Variants in COL4A2 observed in about 807,000 individuals in gnomAD.
COL4A2 encodes the protein collagen type IV alpha 2 chain.
COL4A2 carries 99 observed loss-of-function variants against 200.2 expected under a neutral mutation model. The observed-to-expected ratio is 0.49, with a 90% CI of 0.42 to 0.58. COL4A2 has a LOEUF of 0.58. Among genes scored for constraint, COL4A2 ranks in the 20% least tolerant of loss-of-function variants. The pLI is 0.00. For missense variants in COL4A2, 1,950 were observed against 2,314.1 expected (o/e 0.84, Z 3.23); for synonymous variants, 897 against 900.6 (o/e 1.00, Z 0.07).
intron 39 of COL4A2, 146 bp downstream of exon 39, chr13:110,493,428 G>A: frequency 1.3e-6 from 1 of 783,586 alleles, no homozygotes; most frequent in East Asian, 2.7e-5. Context: ...TCGGCCGTGA[G>A]GGGCGGGTCC....
At chr13:110,317,141 CACAT>C (rs1270377267) in intron 3 of COL4A2, among the ~76,000 whole-genome samples, 4 of 150,220 alleles carry the variant, frequency 2.7e-5, no homozygotes, top group Admixed American at 6.7e-5. Context: ...ACCCCACACA[CACAT>C]ACAGACACAC....
At chr13:110,435,745 C>T (rs188217372) in intron 12 of COL4A2, among the ~76,000 whole-genome samples, 2 of 152,266 alleles carry the variant, frequency 1.3e-5, no homozygotes, top group East Asian at 1.9e-4. Flanking sequence ...CATCTGTGCA[C>T]CACATCAAAA....
intron 16 of COL4A2, among the ~76,000 whole-genome samples, chr13:110,440,262 C>T (rs1047871007): frequency 3.9e-5 from 6 of 152,044 alleles, no homozygotes; most frequent in Non-Finnish European, 8.8e-5. Context: ...GTTCTGTGGA[C>T]AGATTTTTGG....
At chr13:110,489,628 G>C (rs1883217768) in intron 35 of COL4A2, 83 bp from the exon 36 acceptor site, 9 of 1,592,286 alleles carry the variant, frequency 5.7e-6, no homozygotes, top group Non-Finnish European at 7.8e-6. Context: ...TTCTTGTTAG[G>C]AATATAACAA....
intron 4 of COL4A2, among the ~76,000 whole-genome samples, chr13:110,405,806 C>T (rs1415850983): frequency 6.6e-6 from 1 of 152,140 alleles, no homozygotes; most frequent in Non-Finnish European, 1.5e-5. Flanking sequence ...AGTAGGTGGC[C>T]TTGGTTTTAA....
chr13:110,313,355 G>A lies in COL4A2; in HGVS notation c.99+5232G>A, dbSNP rs184014235. On this transcript the variant is annotated intron_variant, in intron 3 of 47. Transcript: ENST00000360467. ...TGGTTACCCCTGAAAGGAGAAGGCG[G>A]CATCTAATTCTAGGGAGACTTCACA... Among the ~76,000 whole-genome samples the A allele has an allele frequency of 3.9e-5, 6 of 152,278 alleles. No homozygotes were observed. The East Asian group carries it at 9.7e-4, about 25-fold the overall frequency.
In COL4A2 at chr13:110,321,744, G is replaced by A. The variant is rs145815592; in HGVS notation, c.99+13621G>A. ...CTGGAGAAACCTCACAATCATGGCAGAAGGCAAGGAGGAGCAAGTCACGTC... is the reference window on the plus strand; with the variant it reads ...CTGGAGAAACCTCACAATCATGGCAAAAGGCAAGGAGGAGCAAGTCACGTC... On this transcript the variant is annotated intron_variant, in intron 3 of 47. Coordinates refer to ENST00000360467, the MANE Select transcript of COL4A2 (RefSeq NM_001846.4). Among the ~76,000 whole-genome samples the A allele has an allele frequency of 2.3e-3, 352 of 152,332 alleles. 1 individual carries two copies. The highest frequency in any genetic ancestry group is 8.3e-3 in the African/African-American group (343 of 41,562).
rs71127938 is a variant in COL4A2 at position 110,424,640 on chromosome 13, C to CAAAAAA, written c.181-88_181-83dup. The CAAAAAA allele has an allele frequency of 3.6e-3, 2,496 of 698,450 alleles. 5 individuals carry two copies. Among genetic ancestry groups the CAAAAAA allele is most frequent in the South Asian group, 7.2e-3 (292 of 40,482 alleles). The allele number at this position is 698,450 out of a possible 1,614,324, so 43.3% of individuals were successfully genotyped here. On this transcript the variant is annotated intron_variant, in intron 4 of 47. Coordinates refer to ENST00000360467, the MANE Select transcript of COL4A2 (RefSeq NM_001846.4). ...CCTGTAGATTATAGCTCTTTAAAAA[C>CAAAAAA]AAAAAAAAAAATGTAGTTTTGAAAG...
chr13:110,389,341 A>G (rs556179603), intron 4 of COL4A2, among the ~76,000 whole-genome samples: 1 of 152,264 alleles, frequency 6.6e-6, no homozygotes, highest in African/African-American at 2.4e-5. Flanking sequence ...TGTGGAGGAC[A>G]TTTCGTATCT....
intron 4 of COL4A2, among the ~76,000 whole-genome samples, chr13:110,400,688 A>G (rs1879342575): frequency 6.6e-6 from 1 of 152,220 alleles, no homozygotes; most frequent in Non-Finnish European, 1.5e-5. Flanking sequence ...TAAGATTAAA[A>G]AAGTTGTAAT....
In COL4A2 at chr13:110,387,074, C is replaced by T. The variant is rs554718690; in HGVS notation, c.180+29522C>T. The stretch of plus-strand genomic sequence containing the variant: ...CCAACATGGTGAAACCCCGTCTCTA[C>T]TAAAAATACAAAAAGTTAGCTGGCC... On this transcript the variant is annotated intron_variant, in intron 4 of 47. Coordinates refer to ENST00000360467, the MANE Select transcript of COL4A2 (RefSeq NM_001846.4). Among the ~76,000 whole-genome samples the T allele has an allele frequency of 2.6e-5, 4 of 152,214 alleles. No individual in the cohort carries two copies. In the South Asian group the frequency reaches 8.3e-4, roughly 32 times the overall value.
At chr13:110,329,761 A>C (rs903277431) in intron 3 of COL4A2, among the ~76,000 whole-genome samples, 1 of 152,116 alleles carries the variant, frequency 6.6e-6, no homozygotes, top group Non-Finnish European at 1.5e-5. Context: ...ACTTCGGTGG[A>C]TGCATCCATC....
intron 15 of COL4A2, 138 bp downstream of exon 15, chr13:110,438,806 C>A: frequency 1.0e-5 from 8 of 774,682 alleles, no homozygotes; most frequent in Middle Eastern, 3.3e-4. Flanking sequence ...CTCCCCACCC[C>A]CCCCCACACA....
chr13:110,323,801 A>G (rs1885339042), intron 3 of COL4A2, among the ~76,000 whole-genome samples: 1 of 152,214 alleles, frequency 6.6e-6, no homozygotes, highest in Non-Finnish European at 1.5e-5. Context: ...CACAATAGAC[A>G]GAGCTGGTGG....
chr13:110,454,521 G>T (rs6492277), intron 20 of COL4A2, among the ~76,000 whole-genome samples: 105,549 of 151,956 alleles, frequency 0.69, 36,949 homozygotes, highest in Middle Eastern at 0.82. Flanking sequence ...CTTGGAGACA[G>T]AGAACAAAGC....
At chr13:110,504,613 T>C (rs117710761) in intron 45 of COL4A2, among the ~76,000 whole-genome samples, 3,957 of 152,232 alleles carry the variant, frequency 0.026, 141 homozygotes, top group East Asian at 0.16. Flanking sequence ...CTTACTTTTT[T>C]TTCTTTTTTG....
chr13:110,419,763 C>T (rs543246572), intron 4 of COL4A2, among the ~76,000 whole-genome samples: 2 of 152,320 alleles, frequency 1.3e-5, no homozygotes, highest in South Asian at 2.1e-4. Flanking sequence ...GGGCAGCCCC[C>T]GCGCCCCGTC....
rs1424914258 is a variant in COL4A2, at chr13:110,307,720, G to GT, written c.-44-139dup. On this transcript the variant is annotated intron_variant, in intron 1 of 47. Coordinates refer to ENST00000360467, the MANE Select transcript of COL4A2 (RefSeq NM_001846.4). The surrounding 1 kb of genome is among the most constrained non-coding windows in gnomAD (Gnocchi z 5.0). ...GGGAGGCTCTCCTTCTTTCCGGGTC[G>GT]TGGGGGGGACGGCCCTCCGGTCACC... The GT allele has an allele frequency of 5.2e-6, 4 of 767,222 alleles. No homozygotes were observed. Among genetic ancestry groups the GT allele is most frequent in the Non-Finnish European group, 8.2e-6 (4 of 490,556 alleles). The allele number at this position is 767,222 out of a possible 1,614,324, so 47.5% of individuals were successfully genotyped here.
intron 16 of COL4A2, among the ~76,000 whole-genome samples, chr13:110,442,917 T>C (rs1433595543): frequency 6.6e-6 from 1 of 150,552 alleles, no homozygotes; most frequent in Non-Finnish European, 1.5e-5. Flanking sequence ...GAGGAATACA[T>C]GCCACACCAA....
Sources: allele counts gnomAD v4.1 joint callset (sites outside exome capture counted in the v4.1 genomes callset), GRCh38; gene constraint gnomAD v4.1.1; non-coding constraint Gnocchi (gnomAD v3.1); transcripts MANE v1.5; gene names NCBI Gene and HGNC (gene_info 2026-07-23, HGNC 2026-07-21).